Variants in NFATC3 observed in about 807,000 individuals in gnomAD.
NFATC3 encodes nuclear factor of activated T-cells, cytoplasmic 3.
A neutral mutation model predicts 98.6 loss-of-function variants in NFATC3; 46 were observed. That is an observed-to-expected ratio of 0.47 (90% CI 0.37 to 0.60). NFATC3 has a LOEUF of 0.60. NFATC3 is among the 20% of genes least tolerant of loss of function. The pLI, the probability that NFATC3 is intolerant of heterozygous loss-of-function variation, is 0.00. For missense variants in NFATC3, 1,256 were observed against 1,295.5 expected, an observed-to-expected ratio of 0.97 and a Z score of 0.47; for synonymous variants, 512 against 472.2, an observed-to-expected ratio of 1.08 and a Z score of -1.09.
chr16:68,191,927 TTG>T, intron 9 of NFATC3, 152 bp downstream of exon 9: 1 of 845,054 alleles, frequency 1.2e-6, no homozygotes. Context: ...ATATATAACT[TTG>T]CCAGGTACCA....
At chr16:68,161,630 T>C (rs1317271739) in intron 4 of NFATC3, among the ~76,000 whole-genome samples, 5 of 152,210 alleles carry the variant, frequency 3.3e-5, no homozygotes, top group Admixed American at 1.3e-4. Context: ...TCACATTTAC[T>C]TTTTGCCTTG....
intron 9 of NFATC3, among the ~76,000 whole-genome samples, chr16:68,206,818 A>G (rs1430985706): frequency 1.3e-5 from 2 of 151,986 alleles, no homozygotes; most frequent in East Asian, 3.9e-4. Flanking sequence ...CCCCATGTCT[A>G]TAAAAAATTT....
chr16:68,191,318 A>G lies in NFATC3; in HGVS notation c.2649A>G (p.Gly883=). The change falls in exon 9 of 10, where the codon GGA becomes GGG. Residue 883 remains glycine, a synonymous_variant. Transcript: ENST00000346183. ...CCCTGCCTCATCTGCAATCAATGGGATATCATTGTTCAAATACAGGACAAA... is the reference window on the plus strand; with the variant it reads ...CCCTGCCTCATCTGCAATCAATGGGGTATCATTGTTCAAATACAGGACAAA... ...VHTLPHLQSM[G]YHCSNTGQRS... The G allele has an allele frequency of 1.2e-6, 2 of 1,614,158 alleles. No homozygotes were observed. The highest frequency in any genetic ancestry group is 1.7e-6 in the Non-Finnish European group (2 of 1,180,024).
chr16:68,109,992 G>A (rs2035857924), intron 1 of NFATC3, among the ~76,000 whole-genome samples: 2 of 151,796 alleles, frequency 1.3e-5, no homozygotes, highest in Admixed American at 1.3e-4. Flanking sequence ...CAAGCTCCTG[G>A]ATGAGTTGTT....
rs141377197 is a variant in NFATC3, at chr16:68,168,471, T to TTTA, written c.1774+1483_1774+1485dup. On this transcript the variant is annotated intron_variant, in intron 5 of 9. Coordinates refer to ENST00000346183, the MANE Select transcript of NFATC3 (RefSeq NM_173165.3). ...AGCCACTGCACCCAGCTTGTATTCTTTTATTATTATTATTATTATTATTAT... is the reference window on the plus strand; with the variant it reads ...AGCCACTGCACCCAGCTTGTATTCTTTTATTATTATTATTATTATTATTATTAT... Among the ~76,000 whole-genome samples the TTTA allele has an allele frequency of 7.7e-3, 1,136 of 148,010 alleles. 8 individuals are homozygous for TTTA. Among genetic ancestry groups the TTTA allele is most frequent in the African/African-American group, 0.022 (892 of 40,022 alleles).
chr16:68,141,076 T>G (rs559341243), intron 3 of NFATC3, among the ~76,000 whole-genome samples: 20 of 152,358 alleles, frequency 1.3e-4, no homozygotes, highest in Admixed American at 5.9e-4. Context: ...TTTCCATTCC[T>G]GAGTTACTTC....
chr16:68,178,893 C>T (rs1345784899), intron 6 of NFATC3, among the ~76,000 whole-genome samples: 1 of 152,178 alleles, frequency 6.6e-6, no homozygotes, highest in Non-Finnish European at 1.5e-5. Context: ...CAGTTGTAAA[C>T]ATGTAACTCC....
intron 9 of NFATC3, among the ~76,000 whole-genome samples, chr16:68,206,320 A>G (rs1459264151): frequency 2.0e-5 from 3 of 152,234 alleles, no homozygotes; most frequent in Non-Finnish European, 4.4e-5. Context: ...ACAATATTGT[A>G]TAACCACCAC....
At chr16:68,168,975 G>A (rs1479678822) in intron 5 of NFATC3, among the ~76,000 whole-genome samples, 1 of 151,968 alleles carries the variant, frequency 6.6e-6, no homozygotes, top group Non-Finnish European at 1.5e-5. Flanking sequence ...TGTATAGATA[G>A]GGTCTCACTG....
rs1290956842 is a variant in NFATC3 at position 68,085,620 on chromosome 16, C to T, written c.-62C>T. The T allele has an allele frequency of 6.4e-6, 9 of 1,413,630 alleles. No individual in the cohort carries two copies. The highest frequency in any genetic ancestry group is 3.0e-5 in the East Asian group (1 of 33,182). 87.6% of individuals were successfully genotyped at this position (1,413,630 alleles called of 1,614,324 possible). On this transcript the variant is annotated 5_prime_UTR_variant, in exon 1 of 10. Coordinates refer to ENST00000346183, the MANE Select transcript of NFATC3 (RefSeq NM_173165.3). ...TGAAGCGGCGTTGAGGAGCTGCTGC[C>T]GCCGCTTGCCGCTGCCGCCGCCGCC...
chr16:68,091,789 G>A (rs1378488880), intron 1 of NFATC3, among the ~76,000 whole-genome samples: 5 of 152,172 alleles, frequency 3.3e-5, no homozygotes, highest in Admixed American at 3.3e-4. Context: ...GTCCTGGTGG[G>A]TCAGGGGAGT....
chr16:68,215,503 A>G (rs1185400118), intron 9 of NFATC3, among the ~76,000 whole-genome samples: 1 of 152,248 alleles, frequency 6.6e-6, no homozygotes, highest in African/African-American at 2.4e-5. Flanking sequence ...TGAAGCAACA[A>G]GTTGGTCACT....
At chr16:68,170,159 G>A (rs952270471) in intron 5 of NFATC3, among the ~76,000 whole-genome samples, 2 of 152,018 alleles carry the variant, frequency 1.3e-5, no homozygotes, top group East Asian at 1.9e-4. Context: ...TTGAGAGGCC[G>A]AGGTGGGCAG....
chr16:68,106,742 G>A (rs866634622), intron 1 of NFATC3, among the ~76,000 whole-genome samples: 4 of 147,738 alleles, frequency 2.7e-5, no homozygotes, highest in Non-Finnish European at 6.0e-5. Context: ...TTTTTTTGTT[G>A]TTTTTTTTTT....
intron 8 of NFATC3, 93 bp from the exon 9 acceptor site, chr16:68,190,675 C>CTT (rs2040397111): frequency 7.4e-7 from 1 of 1,350,482 alleles, no homozygotes; most frequent in Admixed American, 2.3e-5. Context: ...TGCCCCTCAG[C>CTT]TTACGCTGTA....
intron 8 of NFATC3, among the ~76,000 whole-genome samples, chr16:68,184,920 A>G (rs915764641): frequency 2.0e-5 from 3 of 152,200 alleles, no homozygotes; most frequent in Non-Finnish European, 2.9e-5. Context: ...GAAGGGCACC[A>G]TTGATGTTGA....
chr16:68,133,513 A>G (rs1055827511), intron 3 of NFATC3, among the ~76,000 whole-genome samples: 5 of 152,210 alleles, frequency 3.3e-5, no homozygotes, highest in African/African-American at 1.2e-4. Flanking sequence ...ACGCAAGTAT[A>G]AATACTCATA....
intron 1 of NFATC3, among the ~76,000 whole-genome samples, chr16:68,091,829 C>T (rs964881999): frequency 6.6e-6 from 1 of 152,134 alleles, no homozygotes; most frequent in Non-Finnish European, 1.5e-5. Context: ...GTAGGCCTGG[C>T]TTCTAAAACA....
At chr16:68,193,999 G>T (rs1336422200) in intron 9 of NFATC3, among the ~76,000 whole-genome samples, 1 of 152,180 alleles carries the variant, frequency 6.6e-6, no homozygotes, top group African/African-American at 2.4e-5. Context: ...CAGGTCATTT[G>T]TGTGTAAACA....
Sources: allele counts gnomAD v4.1 joint callset (sites outside exome capture counted in the v4.1 genomes callset), GRCh38; gene constraint gnomAD v4.1.1; transcripts MANE v1.5; gene names NCBI Gene and HGNC (gene_info 2026-07-23, HGNC 2026-07-21).